Variants in SLC47A2 observed in about 807,000 individuals in gnomAD.
SLC47A2 encodes multidrug and toxin extrusion protein 2.
Under a neutral mutation model 67.7 loss-of-function variants are expected in SLC47A2, and 52 were observed. The observed-to-expected ratio is 0.77, with a 90% CI of 0.61 to 0.97. The LOEUF (loss-of-function observed/expected upper bound fraction) is 0.97. Among genes scored for constraint, SLC47A2 ranks in the 50% least tolerant of loss-of-function variants. SLC47A2 has a pLI of 0.00. For missense variants in SLC47A2, 676 were observed against 712.3 expected, an observed-to-expected ratio of 0.95 and a Z score of 0.58; for synonymous variants, 278 against 292.9, an observed-to-expected ratio of 0.95 and a Z score of 0.52.
chr17:19,705,569 A>G, intron 9 of SLC47A2, 66 bp from the exon 10 acceptor site: 2 of 1,482,746 alleles, frequency 1.3e-6, no homozygotes, highest in South Asian at 2.5e-5. Context: ...CGCCGACAGG[A>G]CGCTGCTTTG....
At chr17:19,690,936 A>G (rs764056181) in intron 13 of SLC47A2, among the ~76,000 whole-genome samples, 5 of 152,102 alleles carry the variant, frequency 3.3e-5, no homozygotes, top group Non-Finnish European at 5.9e-5. Flanking sequence ...CCTGACCAAC[A>G]TGGAGAAACC....
rs2086174203 is a variant in SLC47A2, at chr17:19,713,898, G to A, written c.370C>T (p.Leu124Phe). The A allele has an allele frequency of 1.2e-6, 2 of 1,613,698 alleles. No individual in the cohort carries two copies. Among genetic ancestry groups the A allele is most frequent in the African/African-American group, 2.7e-5 (2 of 74,894 alleles). ...TTGAGGAAGAGCGCCCAGCAAGGGA[G>A]GCAGCAGAGGAGCAGGACCAGCGCG... ...RGALVLLLCC[L>F]PCWALFLNTQ... Residue 124 changes from leucine (L) to phenylalanine (F), a missense_variant, in exon 4 of 17, where the codon CTC becomes TTC. Leu to Phe is a conservative substitution (Grantham distance 22). Coordinates refer to ENST00000433844, the MANE Select transcript of SLC47A2 (RefSeq NM_001099646.3).
intron 13 of SLC47A2, among the ~76,000 whole-genome samples, chr17:19,690,022 A>G (rs949545502): frequency 7.2e-5 from 11 of 152,202 alleles, no homozygotes; most frequent in African/African-American, 2.7e-4. Context: ...TTCAAATTAT[A>G]CTACAGAGCT....
chr17:19,691,104 C>A (rs1422980621), intron 13 of SLC47A2, among the ~76,000 whole-genome samples: 2 of 148,998 alleles, frequency 1.3e-5, no homozygotes, highest in Non-Finnish European at 3.0e-5. Context: ...GCCTGGGCAA[C>A]AAGAGCGAAA....
rs111873285 is a variant in SLC47A2 at position 19,711,363 on chromosome 17, G to A, written c.486+1340C>T. ...TCCCAGCACTTTGGGAGGTGGAAGC[G>A]AGTGGATCACCTGAGGTCAGGAGTT... On this transcript the variant is annotated intron_variant, in intron 5 of 16. Coordinates refer to ENST00000433844, the MANE Select transcript of SLC47A2 (RefSeq NM_001099646.3). Among the ~76,000 whole-genome samples, 521 of 151,066 alleles carry A rather than the reference G, an allele frequency of 3.4e-3. 6 individuals carry two copies. Among genetic ancestry groups the A allele is most frequent in the African/African-American group, 0.012 (478 of 41,388 alleles).
intron 13 of SLC47A2, among the ~76,000 whole-genome samples, chr17:19,687,179 T>C (rs532224311): frequency 6.6e-6 from 1 of 152,290 alleles, no homozygotes; most frequent in South Asian, 2.1e-4. Context: ...GAAATTAATA[T>C]GCTCCTGAAT....
At chr17:19,684,217 T>C (rs892268869) in intron 13 of SLC47A2, among the ~76,000 whole-genome samples, 18 of 152,104 alleles carry the variant, frequency 1.2e-4, no homozygotes, top group African/African-American at 4.3e-4. Context: ...CTGGCAAATT[T>C]TGAAAGACTG....
At position 19,708,510 on chromosome 17, in the gene SLC47A2, G is replaced by A. The variant is rs144454382; in HGVS notation, c.532-111C>T. The A allele has an allele frequency of 1.6e-3, 2,609 of 1,613,832 alleles. 25 individuals are homozygous for A. The African/African-American group carries it at 0.028, about 17-fold the overall frequency. On this transcript the variant is annotated intron_variant, in intron 6 of 16. Coordinates refer to ENST00000433844, the MANE Select transcript of SLC47A2 (RefSeq NM_001099646.3). Reference sequence around the variant, plus strand: ...TCCTCCTGCCCCTTCAGCCATCCCTGTTGAGGAGTTGGAAGAGGCTGGGAC... The same window carrying A: ...TCCTCCTGCCCCTTCAGCCATCCCTATTGAGGAGTTGGAAGAGGCTGGGAC...
At chr17:19,683,232 G>T (rs1426507411) in intron 13 of SLC47A2, among the ~76,000 whole-genome samples, 2 of 152,140 alleles carry the variant, frequency 1.3e-5, no homozygotes, top group Non-Finnish European at 2.9e-5. Context: ...AACTGTGGGG[G>T]TGTGGTGGGG....
At chr17:19,710,280 T>C (rs1167582166) in intron 5 of SLC47A2, among the ~76,000 whole-genome samples, 3 of 152,146 alleles carry the variant, frequency 2.0e-5, no homozygotes, top group Admixed American at 2.0e-4. Context: ...ATACAATCAC[T>C]GACCTAGATA....
At chr17:19,703,070 G>A in intron 12 of SLC47A2, 22 bp downstream of exon 12, 2 of 1,609,140 alleles carry the variant, frequency 1.2e-6, no homozygotes, top group Non-Finnish European at 1.7e-6. Context: ...CCAAGAGTCA[G>A]CACAGAAAAC....
At chr17:19,693,926 T>TAG (rs1241144732) in intron 13 of SLC47A2, among the ~76,000 whole-genome samples, 1 of 152,102 alleles carries the variant, frequency 6.6e-6, no homozygotes, top group African/African-American at 2.4e-5. Context: ...CACAAACTAT[T>TAG]AGAACAAGGT....
intron 8 of SLC47A2, 149 bp downstream of exon 8, chr17:19,707,597 A>G: frequency 1.6e-6 from 1 of 633,096 alleles, no homozygotes; most frequent in Non-Finnish European, 2.7e-6. Context: ...GGGCTGGGGA[A>G]GCAAAGGGGA....
chr17:19,706,978 C>A (rs953406985), intron 8 of SLC47A2, among the ~76,000 whole-genome samples: 1 of 152,198 alleles, frequency 6.6e-6, no homozygotes, highest in Non-Finnish European at 1.5e-5. Flanking sequence ...ACCAGGCTCA[C>A]CTGGCCAGTC....
At chr17:19,708,429 G>C in intron 6 of SLC47A2, 30 bp from the exon 7 acceptor site, 1 of 1,614,182 alleles carries the variant, frequency 6.2e-7, no homozygotes. Flanking sequence ...GCCCTGCTAA[G>C]GTGTGAGTGA....
chr17:19,698,836 TA>T (rs61009718), intron 13 of SLC47A2, among the ~76,000 whole-genome samples: 40,746 of 152,032 alleles, frequency 0.27, 5,906 homozygotes, highest in Middle Eastern at 0.42. Context: ...GGATCAAAAA[TA>T]TTTGAAAAAC....
Position 19,705,465 on chromosome 17 carries a change from TGACA to T in SLC47A2, c.876_879del (p.Val293SerfsTer7). On this transcript the variant is annotated frameshift_variant, in exon 10 of 17. Coordinates refer to ENST00000433844, the MANE Select transcript of SLC47A2 (RefSeq NM_001099646.3). LOFTEE classifies it high-confidence loss of function. ...TAGGTCACAGTGGCCACCTCGTAGA[TGACA>T]GCCTGGGCAGAGAGATCCACCACAC... 1 of 1,612,116 alleles carries T rather than the reference TGACA, an allele frequency of 6.2e-7. No individual in the cohort carries two copies. Among genetic ancestry groups the T allele is most frequent in the Non-Finnish European group, 8.5e-7 (1 of 1,179,496 alleles).
intron 13 of SLC47A2, among the ~76,000 whole-genome samples, chr17:19,689,863 T>C (rs2085502794): frequency 6.6e-6 from 1 of 152,164 alleles, no homozygotes; most frequent in African/African-American, 2.4e-5. Flanking sequence ...TTCTACAGAT[T>C]CAATGTAATC....
chr17:19,683,147 A>G (rs1421915667), intron 13 of SLC47A2, among the ~76,000 whole-genome samples: 1 of 152,182 alleles, frequency 6.6e-6, no homozygotes, highest in Non-Finnish European at 1.5e-5. Flanking sequence ...GACTTCTCCC[A>G]AATTATGATT....
Sources: gnomAD v4.1 joint callset for allele counts (sites outside exome capture counted in the v4.1 genomes callset) on GRCh38, gnomAD v4.1.1 for gene constraint, MANE v1.5 for transcripts, NCBI Gene and HGNC (gene_info 2026-07-23, HGNC 2026-07-21) for gene names.